The following INTS15 variants were observed in gnomAD, a reference collection of about 807,000 sequenced individuals.
INTS15 encodes uncharacterized protein C7orf26.
At chr7:6,590,790 A>G in the INTS15 span, among the ~76,000 whole-genome samples, 1 of 151,614 alleles carries the variant, frequency 6.6e-6, no homozygotes, top group Non-Finnish European at 1.5e-5. Flanking sequence ...AGGATGTATA[A>G]TGATCTGTAT....
the INTS15 span, chr7:6,607,886 G>C: frequency 6.4e-7 from 1 of 1,574,704 alleles, no homozygotes; most frequent in Non-Finnish European, 8.6e-7. This position sits in a 1 kb window ranked among gnomAD's most constrained non-coding sequence, Gnocchi z 6.0. Flanking sequence ...GCGGGGGGAC[G>C]GGGTCAGCCT....
chr7:6,590,420 A>C, the INTS15 span: 1 of 1,603,968 alleles, frequency 6.2e-7, no homozygotes, highest in Non-Finnish European at 8.5e-7. Context: ...GGCCCCGTGG[A>C]GCTGCTGGAG....
the INTS15 span, chr7:6,608,470 A>G: frequency 1.6e-6 from 2 of 1,251,178 alleles, no homozygotes; most frequent in South Asian, 1.7e-5. Flanking sequence ...GAGGAGTGTG[A>G]CGGCAGGAGC....
At chr7:6,607,857 T>A in the INTS15 span, 1 of 1,538,980 alleles carries the variant, frequency 6.5e-7, no homozygotes. This position sits in a 1 kb window ranked among gnomAD's most constrained non-coding sequence, Gnocchi z 6.0. Context: ...CCTGTGTCGG[T>A]GCCTCTCCTG....
chr7:6,592,634 G>T, the INTS15 span, among the ~76,000 whole-genome samples: 1 of 150,696 alleles, frequency 6.6e-6, no homozygotes, highest in African/African-American at 2.4e-5. Flanking sequence ...TTTCTGACAG[G>T]GTTTCAGTCT....
the INTS15 span, among the ~76,000 whole-genome samples, chr7:6,606,101 A>T: frequency 6.6e-6 from 1 of 152,186 alleles, no homozygotes; most frequent in African/African-American, 2.4e-5. Context: ...TACAGGTTCA[A>T]ATCATCACAT....
the INTS15 span, among the ~76,000 whole-genome samples, chr7:6,597,820 G>A: frequency 7.2e-5 from 11 of 152,344 alleles, no homozygotes; most frequent in African/African-American, 2.6e-4. Context: ...GTCACCATCC[G>A]AATGGTGACT....
the INTS15 span, chr7:6,600,059 G>A: frequency 6.2e-7 from 1 of 1,614,228 alleles, no homozygotes; most frequent in Non-Finnish European, 8.5e-7. Flanking sequence ...CAGCAACAAG[G>A]TCACAAAGGA....
the INTS15 span, chr7:6,607,877 C>A: frequency 6.4e-7 from 1 of 1,560,570 alleles, no homozygotes; most frequent in South Asian, 1.2e-5. The surrounding 1 kb of genome is among the most constrained non-coding windows in gnomAD (Gnocchi z 6.0). Context: ...GGGCGGGGTG[C>A]GGGGGGACGG....
At chr7:6,590,574 T>A in the INTS15 span, 1 of 1,395,140 alleles carries the variant, frequency 7.2e-7, no homozygotes, top group Non-Finnish European at 9.3e-7. Context: ...GCGCCCCATG[T>A]CCAGGATCCC....
chr7:6,591,940 G>T, the INTS15 span: 1 of 1,411,366 alleles, frequency 7.1e-7, no homozygotes, highest in East Asian at 2.3e-5. Context: ...GGGAAGCTGA[G>T]GTGGGCGGAT....
the INTS15 span, chr7:6,607,509 G>A: frequency 1.5e-6 from 2 of 1,305,238 alleles, no homozygotes; most frequent in Non-Finnish European, 2.0e-6. This position sits in a 1 kb window ranked among gnomAD's most constrained non-coding sequence, Gnocchi z 6.0. Flanking sequence ...CCCCGAGGGG[G>A]CCGCACCGGA....
At chr7:6,593,745 G>A in the INTS15 span, among the ~76,000 whole-genome samples, 1 of 150,666 alleles carries the variant, frequency 6.6e-6, no homozygotes, top group African/African-American at 2.4e-5. Flanking sequence ...ACCTTCCTAG[G>A]CCCAAGCCAT....
chr7:6,599,862 T>A, the INTS15 span: 1 of 1,614,122 alleles, frequency 6.2e-7, no homozygotes, highest in Middle Eastern at 1.6e-4. Flanking sequence ...TTGCTTGAAA[T>A]GATTGTCACC....
the INTS15 span, among the ~76,000 whole-genome samples, chr7:6,591,268 CTTTTTTTTTTTTT>C: frequency 6.8e-5 from 9 of 131,796 alleles, no homozygotes; most frequent in African/African-American, 2.6e-4. Context: ...TCCTGTTTTT[CTTTTTTTTTTTTT>C]TTTTGAGACG....
chr7:6,602,873 A>C, the INTS15 span: 1 of 394,636 alleles, frequency 2.5e-6, no homozygotes, highest in Non-Finnish European at 5.3e-6. Flanking sequence ...TGTAAAATCA[A>C]GAAAACCATG....
At chr7:6,598,785 G>GTGTGTGTGTGT in the INTS15 span, among the ~76,000 whole-genome samples, 14 of 86,548 alleles carry the variant, frequency 1.6e-4, no homozygotes, top group South Asian at 3.3e-4. Flanking sequence ...GTGTGTGTGT[G>GTGTGTGTGTGT]TATTTTTTTT....
the INTS15 span, among the ~76,000 whole-genome samples, chr7:6,596,132 A>C: frequency 6.6e-6 from 1 of 151,258 alleles, no homozygotes; most frequent in Non-Finnish European, 1.5e-5. Context: ...GCTCACTGCA[A>C]CCTCCGCCAC....
the INTS15 span, among the ~76,000 whole-genome samples, chr7:6,595,054 C>A: frequency 6.6e-6 from 1 of 150,644 alleles, no homozygotes; most frequent in South Asian, 2.1e-4. Context: ...TTTTTTGAGA[C>A]AGGGTTTCAC....
Sources: gnomAD v4.1 joint callset for allele counts (sites outside exome capture counted in the v4.1 genomes callset) on GRCh38, gnomAD v4.1.1 for gene constraint, Gnocchi (gnomAD v3.1) non-coding constraint, MANE v1.5 for transcripts, NCBI Gene and HGNC (gene_info 2026-07-23, HGNC 2026-07-21) for gene names.